The following ZFYVE26 variants were observed in gnomAD, a reference collection of about 807,000 sequenced individuals.
The protein encoded by ZFYVE26 is zinc finger FYVE domain-containing protein 26.
ZFYVE26 carries 181 observed loss-of-function variants against 276.5 expected under a neutral mutation model. The ratio of observed to expected loss-of-function variants is 0.65; its 90% confidence interval spans 0.58 to 0.74. The LOEUF is 0.74. ZFYVE26 is among the 30% of genes least tolerant of loss of function. ZFYVE26 has a pLI of 0.00. For missense variants in ZFYVE26, 2,821 were observed against 3,097.9 expected, an observed-to-expected ratio of 0.91 and a Z score of 2.12; for synonymous variants, 1,129 against 1,203.1, an observed-to-expected ratio of 0.94 and a Z score of 1.27.
intron 32 of ZFYVE26, among the ~76,000 whole-genome samples, chr14:67,763,889 C>A (rs905345770): frequency 6.6e-6 from 1 of 152,128 alleles, no homozygotes; most frequent in African/African-American, 2.4e-5. Flanking sequence ...CCTTTTGAAC[C>A]CTTCTTCGTG....
chr14:67,784,402 A>C lies in ZFYVE26; in HGVS notation c.3558T>G (p.Val1186=). ...HVEVKVGNPF[V]LLQQSSSQLV... is the part of the protein sequence containing the mutation. ...GTTGGGAAGAGCTCTGTTGCAGCAG[A>C]ACAAAGGGATTTCCTACCTTGACCT... The change falls in exon 20 of 42, where the codon GTT becomes GTG. Residue 1186 remains valine (V), a synonymous_variant. Transcript: ENST00000347230. 1 of 1,614,138 alleles carries C rather than the reference A, an allele frequency of 6.2e-7. No individual in the cohort carries two copies. Among genetic ancestry groups the C allele is most frequent in the African/African-American group, 1.3e-5 (1 of 75,048 alleles).
At position 67,793,779 on chromosome 14, in the gene ZFYVE26, T is replaced by G. The variant is rs1445492841; in HGVS notation, c.2402-20A>C. 6.2e-7 allele frequency: 1 copy of G among 1,613,660 alleles called. No individual in the cohort carries two copies. Reference sequence around the variant, plus strand: ...TTCCCTCTGTTGGGACACAAGAATGTGTGGGGCCAGAGAAGCAAGAGGAAT... The same window carrying G: ...TTCCCTCTGTTGGGACACAAGAATGGGTGGGGCCAGAGAAGCAAGAGGAAT... On this transcript the variant is annotated intron_variant, in intron 13 of 41. Coordinates refer to ENST00000347230, the MANE Select transcript of ZFYVE26 (RefSeq NM_015346.4).
intron 21 of ZFYVE26, 107 bp from the exon 22 acceptor site, chr14:67,781,636 A>G: frequency 9.9e-7 from 1 of 1,007,782 alleles, no homozygotes; most frequent in Non-Finnish European, 1.5e-6. Flanking sequence ...GTAAAAGAGG[A>G]GCTTGGAGGA....
chr14:67,778,422 T>A, intron 23 of ZFYVE26, 174 bp from the exon 24 acceptor site: 1 of 748,828 alleles, frequency 1.3e-6, no homozygotes, highest in South Asian at 1.7e-5. Flanking sequence ...AGCACTACCA[T>A]AAAAAAAAGC....
At chr14:67,748,756 A>T (rs939596120) in intron 41 of ZFYVE26, 117 bp from the exon 42 acceptor site, 64 of 992,098 alleles carry the variant, frequency 6.5e-5, no homozygotes, top group Non-Finnish European at 9.4e-5. Context: ...CCACGTTCAT[A>T]ACAGGATTCA....
rs763267244 is a variant in ZFYVE26 at position 67,755,064 on chromosome 14, C to T, written c.6973G>A (p.Ala2325Thr). 1.4e-5 allele frequency: 23 copies of T among 1,613,948 alleles called. No individual in the cohort carries two copies. The highest frequency in any genetic ancestry group is 1.8e-5 in the Non-Finnish European group (21 of 1,180,056). Reference sequence around the variant, plus strand: ...ACCTCCAGCTACCTTGACACATCAGCTGCAGTCATCTTCTTTCTGAAGAAT... The same window carrying T: ...ACCTCCAGCTACCTTGACACATCAGTTGCAGTCATCTTCTTTCTGAAGAAT... The part of the protein sequence containing the change: ...TTFFRKKMTA[A>T]DVSRHMNTLQ... Residue 2325 changes from alanine to threonine, a missense_variant, in exon 37 of 42, where the codon GCT becomes ACT. Coordinates refer to ENST00000347230, the MANE Select transcript of ZFYVE26 (RefSeq NM_015346.4).
chr14:67,774,493 C>T (rs7142045), intron 27 of ZFYVE26, among the ~76,000 whole-genome samples: 1,017 of 95,820 alleles, frequency 0.011, 18 homozygotes, highest in African/African-American at 0.03. Flanking sequence ...AGCAAGACTC[C>T]GTCTCAAAAA....
At chr14:67,796,803 T>G (rs1566891948) in intron 12 of ZFYVE26, 1 of 151,838 alleles carries the variant, frequency 6.6e-6, no homozygotes. Context: ...AATACAAACA[T>G]TAGCCGGGCA....
chr14:67,805,316 A>C lies in ZFYVE26; in HGVS notation c.1183-11T>G, dbSNP rs2040156558. 6.2e-7 allele frequency: 1 copy of C among 1,614,112 alleles called. No homozygotes were observed. Among genetic ancestry groups the C allele is most frequent in the Non-Finnish European group, 8.5e-7 (1 of 1,179,970 alleles). Reference sequence around the variant, plus strand: ...ATCACAGCCTGGGCCCTATGTTGATATGGGAGAAGAAAGAGATGCTGACTC... The same window carrying C: ...ATCACAGCCTGGGCCCTATGTTGATCTGGGAGAAGAAAGAGATGCTGACTC... On this transcript the variant is annotated splice_polypyrimidine_tract_variant and intron_variant, in intron 7 of 41. Transcript: ENST00000347230.
At position 67,762,073 on chromosome 14, in the gene ZFYVE26, A is replaced by T. The variant is rs8012365; in HGVS notation, c.6369+130T>A. On this transcript the variant is annotated intron_variant, in intron 34 of 41. Transcript: ENST00000347230. ...TAACTATATGTGATGGAAAAAAAAA[A>T]TTTTTAACCTGCTTGATGCTGAGCC... 0.99 allele frequency: 1,064,557 copies of T among 1,075,178 alleles called. 527,383 individuals carry two copies. Among genetic ancestry groups the T allele is most frequent in the East Asian group, 1 (39,054 of 39,120 alleles). The allele number at this position is 1,075,178 out of a possible 1,614,324, so 66.6% of individuals were successfully genotyped here.
Position 67,780,260 on chromosome 14 carries a change from TTCATGACAG to T in ZFYVE26, c.4646_4654del (p.Thr1549_Met1551del). Reference sequence around the variant, plus strand: ...CGGTACCTGTGCTTCTAGAATCATGTTCATGACAGTTGATGGGTCCTCAACACAACAGCT... The same window carrying T: ...CGGTACCTGTGCTTCTAGAATCATGTTTGATGGGTCCTCAACACAACAGCT... On this transcript the variant is annotated inframe_deletion, in exon 23 of 42. Transcript: ENST00000347230. 6.2e-7 allele frequency: 1 copy of T among 1,613,934 alleles called. No individual in the cohort carries two copies. Among genetic ancestry groups the T allele is most frequent in the Non-Finnish European group, 8.5e-7 (1 of 1,179,936 alleles).
In ZFYVE26 at chr14:67,766,392, G is replaced by A. The variant is rs1199498850; in HGVS notation, c.5846C>T (p.Ala1949Val). The A allele has an allele frequency of 6.2e-7, 1 of 1,612,538 alleles. No individual in the cohort carries two copies. Among genetic ancestry groups the A allele is most frequent in the African/African-American group, 1.3e-5 (1 of 74,866 alleles). Residue 1949 changes from alanine to valine, a missense_variant, in exon 32 of 42, where the codon GCC becomes GTC. Physicochemically the swap from Ala to Val is moderately conservative, Grantham distance 64 (BLOSUM62 0). Transcript: ENST00000347230. ...GTGCTCAATCAGCTGGTGACCACAG[G>A]CAATGCTGTCCCGGTGCAGATTCAG... ...AILNLHRDSI[A>V]CGHQLIEHCC... is the part of the protein sequence containing the mutation.
At chr14:67,757,907 G>T (rs1594888037) in intron 35 of ZFYVE26, among the ~76,000 whole-genome samples, 1 of 151,944 alleles carries the variant, frequency 6.6e-6, no homozygotes, top group Admixed American at 6.6e-5. Context: ...TAGAGACAGG[G>T]TTTCATCATG....
chr14:67,734,775 C>G (rs1048772699), intron 13 of ZFYVE26, among the ~76,000 whole-genome samples: 1 of 152,248 alleles, frequency 6.6e-6, no homozygotes, highest in African/African-American at 2.4e-5. Flanking sequence ...GACGGAGACA[C>G]TCTTCCCCTT....
intron 9 of ZFYVE26, among the ~76,000 whole-genome samples, chr14:67,802,921 T>A (rs7142433): frequency 0.69 from 105,346 of 152,118 alleles, 36,954 homozygotes; most frequent in East Asian, 0.98. Flanking sequence ...AGTGTCTCTG[T>A]CCTGTGGGGC....
rs1211630732 is a variant in ZFYVE26 at position 67,807,549 on chromosome 14, C to T, written c.735G>A (p.Glu245=). The T allele has an allele frequency of 2.5e-6, 4 of 1,614,224 alleles. No individual in the cohort carries two copies. The highest frequency in any genetic ancestry group is 2.2e-5 in the East Asian group (1 of 44,882). Residue 245 remains glutamate, a synonymous_variant, in exon 5 of 42, where the codon GAG becomes GAA. Transcript: ENST00000347230. ...GGGGACTCCCCTCGGTCCTGCAGGC[C>T]TCTAGTAGTTCCTCACACAGGAGAT... ...ELHLLCEELL[E]ACRTEGSPLR...
chr14:67,806,708 C>A, intron 5 of ZFYVE26, 33 bp from the exon 6 acceptor site: 2 of 1,613,632 alleles, frequency 1.2e-6, no homozygotes, highest in African/African-American at 1.3e-5. Context: ...ATCAGGAAAC[C>A]AAGAACTCTT....
At chr14:67,792,004 G>A (rs1056826567) in intron 14 of ZFYVE26, among the ~76,000 whole-genome samples, 8 of 149,568 alleles carry the variant, frequency 5.3e-5, no homozygotes, top group African/African-American at 9.9e-5. Context: ...AGACTGCAGT[G>A]AGCCGAGATC....
rs2038320040 is a variant in ZFYVE26, at chr14:67,733,959, T to G, written n.2680-4140A>C. The G allele has an allele frequency of 1.1e-5, 8 of 743,368 alleles. No individual in the cohort carries two copies. In the South Asian group the frequency reaches 1.2e-4, roughly 11 times the overall value. 46.0% of individuals were successfully genotyped at this position (743,368 alleles called of 1,614,324 possible). A position where few individuals can be genotyped will look rare whatever the true frequency, so the allele number is the denominator to read the frequency against. Reference sequence around the variant, plus strand: ...CCTCTTGGCCAGCTGGTGCTGCGAATCCTGCCTGCTCTGATCCTCTTGACC... The same window carrying G: ...CCTCTTGGCCAGCTGGTGCTGCGAAGCCTGCCTGCTCTGATCCTCTTGACC... On this transcript the variant is annotated intron_variant and non_coding_transcript_variant, in intron 13 of 14. Transcript: ENST00000394455.
Sources: gnomAD v4.1 joint callset for allele counts (sites outside exome capture counted in the v4.1 genomes callset) on GRCh38, gnomAD v4.1.1 for gene constraint, MANE v1.5 for transcripts, NCBI Gene and HGNC (gene_info 2026-07-23, HGNC 2026-07-21) for gene names.